The following XIRP2 variants were observed in gnomAD, a reference collection of about 807,000 sequenced individuals.
The protein encoded by XIRP2 is xin actin binding repeat containing 2, also known as xin actin-binding repeat-containing protein 2.
A neutral mutation model predicts 277.0 loss-of-function variants in XIRP2; 236 were observed. The ratio of observed to expected loss-of-function variants is 0.85; its 90% CI spans 0.77 to 0.95. The LOEUF is 0.95. XIRP2 is among the 40% of genes least tolerant of loss of function. The pLI is 0.00. For synonymous variants in XIRP2, 1,490 were observed against 1,416.5 expected (o/e 1.05, Z -1.17); for missense variants, 4,640 against 4,157.5 (o/e 1.12, Z -3.19).
chr2:167,179,762 CTAACG>C (rs1477958590), intron 3 of XIRP2, among the ~76,000 whole-genome samples: 1 of 151,994 alleles, frequency 6.6e-6, no homozygotes, highest in African/African-American at 2.4e-5. Flanking sequence ...ACCTCAGCCT[CTAACG>C]TAGCTGGGAC....
chr2:167,127,514 C>G (rs1691242695), intron 2 of XIRP2, among the ~76,000 whole-genome samples: 1 of 152,154 alleles, frequency 6.6e-6, no homozygotes, highest in Admixed American at 6.6e-5. Flanking sequence ...GTTTGCCCCC[C>G]AAATGCCTGA....
intron 2 of XIRP2, among the ~76,000 whole-genome samples, chr2:167,013,173 A>G (rs1286575898): frequency 6.6e-6 from 1 of 151,282 alleles, no homozygotes; most frequent in Admixed American, 6.6e-5. Context: ...CTTTATTTTA[A>G]TCAGTTTATC....
At chr2:167,148,844 G>A (rs16853051) in intron 3 of XIRP2, among the ~76,000 whole-genome samples, 17,698 of 152,088 alleles carry the variant, frequency 0.12, 1,809 homozygotes, top group African/African-American at 0.27. Context: ...GAAATCCACT[G>A]AGACTGAGAA....
At chr2:166,913,693 C>G (rs1684782007) in intron 2 of XIRP2, among the ~76,000 whole-genome samples, 3 of 152,272 alleles carry the variant, frequency 2.0e-5, no homozygotes, top group East Asian at 3.9e-4. Flanking sequence ...CACCTCTTGA[C>G]AGAAGGAAAT....
At chr2:167,183,554 C>T (rs1051241896) in intron 3 of XIRP2, among the ~76,000 whole-genome samples, 3 of 151,944 alleles carry the variant, frequency 2.0e-5, no homozygotes, top group African/African-American at 7.3e-5. Context: ...TTCTTAATTT[C>T]TGGTATTGTA....
Position 167,246,318 on chromosome 2 carries a change from C to G in XIRP2, c.4926C>G (p.Asn1642Lys). Residue 1642 changes from asparagine (N) to lysine (K), a missense_variant, in exon 9 of 11, where the codon AAC (asparagine) becomes AAG (lysine). Coordinates refer to ENST00000409195, the MANE Select transcript of XIRP2 (RefSeq NM_152381.6). ...NVNLTKTQLL[N>K]RSTEFHAEKE... ...ATTTGACTAAAACTCAATTATTAAA[C>G]AGATCAACTGAATTTCATGCTGAAA... 11 of 1,612,948 alleles carry G rather than the reference C, an allele frequency of 6.8e-6. No homozygotes were observed. Among genetic ancestry groups the G allele is most frequent in the Non-Finnish European group, 9.3e-6 (11 of 1,179,572 alleles).
intron 2 of XIRP2, among the ~76,000 whole-genome samples, chr2:167,094,535 G>A (rs1024589805): frequency 7.9e-5 from 12 of 152,086 alleles, no homozygotes; most frequent in African/African-American, 2.9e-4. Context: ...TCTGCATATG[G>A]CTAGCCAGTT....
At chr2:166,964,778 T>C (rs1230233181) in intron 2 of XIRP2, among the ~76,000 whole-genome samples, 4 of 151,974 alleles carry the variant, frequency 2.6e-5, no homozygotes, top group Non-Finnish European at 4.4e-5. Flanking sequence ...TAATTTAAGT[T>C]TATCTTAGGC....
At chr2:167,137,885 G>A (rs982065015) in intron 3 of XIRP2, among the ~76,000 whole-genome samples, 1 of 151,982 alleles carries the variant, frequency 6.6e-6, no homozygotes, top group Non-Finnish European at 1.5e-5. Context: ...CTTTCATTAT[G>A]GGATCCTTTT....
chr2:166,936,593 G>C (rs1264905791), intron 2 of XIRP2, among the ~76,000 whole-genome samples: 1 of 152,180 alleles, frequency 6.6e-6, no homozygotes, highest in Non-Finnish European at 1.5e-5. Context: ...TTTTGTATAA[G>C]GTGTAAGGAA....
chr2:167,034,192 A>G (rs897426639), intron 2 of XIRP2, among the ~76,000 whole-genome samples: 35 of 152,160 alleles, frequency 2.3e-4, no homozygotes, highest in Non-Finnish European at 4.4e-5. Context: ...TTTGTTCATT[A>G]GCTTGTTTTT....
intron 2 of XIRP2, among the ~76,000 whole-genome samples, chr2:167,086,735 CA>C (rs916732675): frequency 2.4e-4 from 37 of 151,414 alleles, no homozygotes; most frequent in African/African-American, 8.5e-4. Flanking sequence ...TTGATCGCAT[CA>C]GCTCCTGAGG....
At position 167,249,220 on chromosome 2, in the gene XIRP2, C is replaced by T. The variant is rs1478003280; in HGVS notation, c.7828C>T (p.Pro2610Ser). ...TGATTCAGAATGCACTGTGGTTCAA[C>T]CCAGCCCAGGCTCTCAAAGTAATGC... ...GIDSECTVVQ[P>S]SPGSQSNARI... Residue 2610 changes from proline to serine, a missense_variant, in exon 9 of 11, where the codon CCC becomes TCC. Coordinates refer to ENST00000409195, the MANE Select transcript of XIRP2 (RefSeq NM_152381.6). 3.1e-6 allele frequency: 5 copies of T among 1,613,670 alleles called. No individual in the cohort carries two copies. In the South Asian group the frequency reaches 5.5e-5, roughly 18 times the overall value.
intron 2 of XIRP2, among the ~76,000 whole-genome samples, chr2:167,053,516 A>G (rs920399988): frequency 1.2e-4 from 18 of 152,150 alleles, no homozygotes; most frequent in Admixed American, 7.9e-4. Flanking sequence ...GGAGCTGATT[A>G]TGACATAAAT....
intron 8 of XIRP2, among the ~76,000 whole-genome samples, chr2:167,242,189 C>G (rs1391790588): frequency 6.6e-6 from 1 of 152,112 alleles, no homozygotes; most frequent in African/African-American, 2.4e-5. Flanking sequence ...ATGCCAGATG[C>G]TTACTCTGTT....
At chr2:166,970,401 A>G (rs1280651744) in intron 2 of XIRP2, among the ~76,000 whole-genome samples, 1 of 151,826 alleles carries the variant, frequency 6.6e-6, no homozygotes, top group Non-Finnish European at 1.5e-5. Flanking sequence ...AAGATTTCTT[A>G]TAGTTTTGTT....
chr2:167,146,102 C>G (rs1432025190), intron 3 of XIRP2, among the ~76,000 whole-genome samples: 1 of 150,802 alleles, frequency 6.6e-6, no homozygotes, highest in African/African-American at 2.4e-5. Context: ...AAGACAATTT[C>G]CAAAATATTA....
chr2:167,010,383 T>C (rs1205187884), intron 2 of XIRP2, among the ~76,000 whole-genome samples: 1 of 151,754 alleles, frequency 6.6e-6, no homozygotes, highest in African/African-American at 2.4e-5. Flanking sequence ...TAGTTGTAGA[T>C]ATGTGGCGTT....
At chr2:167,233,559 T>C (rs1405561886) in intron 5 of XIRP2, among the ~76,000 whole-genome samples, 2 of 151,726 alleles carry the variant, frequency 1.3e-5, no homozygotes, top group African/African-American at 4.8e-5. Flanking sequence ...TAAATAACAA[T>C]AGATAGCATT....
Sources: gnomAD v4.1 joint callset for allele counts (sites outside exome capture counted in the v4.1 genomes callset) on GRCh38, gnomAD v4.1.1 for gene constraint, MANE v1.5 for transcripts, NCBI Gene and HGNC (gene_info 2026-07-23, HGNC 2026-07-21) for gene names.